The following RGSL1 variants were observed in gnomAD, a reference collection of about 807,000 sequenced individuals.
The protein encoded by RGSL1 is regulator of G protein signaling protein-like.
In RGSL1, 97 loss-of-function variants were observed where a neutral mutation model predicts 124.7. The ratio of observed to expected loss-of-function variants is 0.78; its 90% CI spans 0.66 to 0.92. The LOEUF is 0.92. RGSL1 is among the 40% of genes least tolerant of loss of function. The probability of loss-of-function intolerance (pLI) is 0.00; values close to 1 mark genes in which losing one functional copy is unlikely to be tolerated. For missense variants in RGSL1, 1,233 were observed against 1,288.4 expected (o/e 0.96, Z 0.66); for synonymous variants, 424 against 438.1 (o/e 0.97, Z 0.40).
At chr1:182,509,888 G>A (rs1281854455) in intron 9 of RGSL1, among the ~76,000 whole-genome samples, 4 of 141,312 alleles carry the variant, frequency 2.8e-5, no homozygotes, top group African/African-American at 5.4e-5. Context: ...CAGATGGGGT[G>A]GCTGCCGGGC....
rs540016260 is a variant in RGSL1, at chr1:182,518,905, C to CA, written c.1826-3098dup. On this transcript the variant is annotated intron_variant, in intron 9 of 21. Transcript: ENST00000294854. ...TGTGGTGGGTGGGAAGTGAAGCCAG[C>CA]ATCCTTCCATGCTGCCATTTTGGTA... 1.8e-4 allele frequency among the ~76,000 whole-genome samples: 27 copies of CA among 152,158 alleles called. No individual in the cohort carries two copies. In the East Asian group the frequency reaches 4.4e-3, roughly 25 times the overall value.
chr1:182,499,076 A>G (rs1656158146), intron 9 of RGSL1, among the ~76,000 whole-genome samples: 1 of 152,222 alleles, frequency 6.6e-6, no homozygotes, highest in African/African-American at 2.4e-5. Context: ...TACAGGCGCG[A>G]GCCCCGGCAC....
intron 14 of RGSL1, among the ~76,000 whole-genome samples, chr1:182,537,056 T>TGATGG (rs1172978646): frequency 2.6e-5 from 4 of 152,250 alleles, no homozygotes; most frequent in African/African-American, 9.6e-5. Context: ...GATATATTTT[T>TGATGG]GATGGACATA....
intron 15 of RGSL1, among the ~76,000 whole-genome samples, chr1:182,545,848 C>G (rs1249211204): frequency 6.6e-6 from 1 of 152,122 alleles, no homozygotes; most frequent in Non-Finnish European, 1.5e-5. Flanking sequence ...AGGATTCTCT[C>G]TCTGTCCTCG....
At chr1:182,547,116 C>T (rs1002858870) in intron 15 of RGSL1, among the ~76,000 whole-genome samples, 2 of 152,244 alleles carry the variant, frequency 1.3e-5, no homozygotes, top group Non-Finnish European at 2.9e-5. Flanking sequence ...TTACTGAACA[C>T]CGGTTTTGAC....
intron 6 of RGSL1, 144 bp from the exon 7 acceptor site, chr1:182,488,141 A>AGCTAATGTTTGC: frequency 1.4e-6 from 1 of 724,674 alleles, no homozygotes; most frequent in Non-Finnish European, 2.3e-6. Flanking sequence ...GGTTGGTCAT[A>AGCTAATGTTTGC]GCTAATGTTT....
intron 9 of RGSL1, among the ~76,000 whole-genome samples, chr1:182,512,757 A>T (rs1479992679): frequency 1.3e-5 from 2 of 152,236 alleles, no homozygotes; most frequent in Non-Finnish European, 2.9e-5. Context: ...TTACTGGATG[A>T]TGGAGGTGGC....
At chr1:182,474,657 C>T in intron 6 of RGSL1, 115 bp downstream of exon 6, 7 of 1,375,424 alleles carry the variant, frequency 5.1e-6, no homozygotes, top group Non-Finnish European at 6.7e-6. Flanking sequence ...CCACATAAAC[C>T]TTTACATATT....
At chr1:182,532,901 T>C (rs1047346815) in intron 14 of RGSL1, 110 bp downstream of exon 14, 1 of 1,213,548 alleles carries the variant, frequency 8.2e-7, no homozygotes, top group Non-Finnish European at 1.1e-6. Context: ...GCCTGGAGTC[T>C]AGCAAAAAAA....
chr1:182,472,437 C>G lies in RGSL1; in HGVS notation c.343C>G (p.Leu115Val). The change falls in exon 5 of 22, where the codon CTG (leucine) becomes GTG (valine). Residue 115 changes from leucine to valine, a missense_variant. Transcript: ENST00000294854. ...VDFWILAENI[L>V]SIDEMDLEVR... ...TTTCTGGATCCTTGCTGAGAACATC[C>G]TGAGCATAGATGAGATGGACCTGGA... 7.1e-6 allele frequency: 11 copies of G among 1,550,934 alleles called. No homozygotes were observed. Among genetic ancestry groups the G allele is most frequent in the Non-Finnish European group, 9.6e-6 (11 of 1,146,510 alleles).
At position 182,530,847 on chromosome 1, in the gene RGSL1, T is replaced by G. The variant is rs1232859094; in HGVS notation, c.2301T>G (p.Ser767Arg). Residue 767 changes from serine (S) to arginine (R), a missense_variant, in exon 13 of 22, where the codon AGT becomes AGG. Physicochemically the swap from Ser to Arg is moderately radical, Grantham distance 110. Coordinates refer to ENST00000294854, the MANE Select transcript of RGSL1 (RefSeq NM_001137669.2). ...PPHHQEVEVQ[S>R]EVQISSRKPS... ...ACCATCAGGAGGTGGAAGTGCAAAG[T>G]GAAGTACAAATTTCGTCTAGGAAGC... The G allele has an allele frequency of 2.6e-6, 4 of 1,550,300 alleles. No individual in the cohort carries two copies. The Admixed American group carries it at 7.9e-5, about 30-fold the overall frequency.
intron 9 of RGSL1, among the ~76,000 whole-genome samples, chr1:182,509,766 G>C (rs867296708): frequency 7.6e-6 from 1 of 131,554 alleles, no homozygotes; most frequent in East Asian, 2.4e-4. Flanking sequence ...GGGTGGGGGG[G>C]CTGACCCCCC....
intron 9 of RGSL1, among the ~76,000 whole-genome samples, chr1:182,493,536 T>A (rs981185259): frequency 6.6e-6 from 1 of 152,212 alleles, no homozygotes; most frequent in Non-Finnish European, 1.5e-5. Flanking sequence ...GAGAGGTAGA[T>A]GCTGAACTGT....
rs530788195 is a variant in RGSL1, at chr1:182,490,855, G to A, written c.1717+1653G>A. ...GGCCAAATCAGAGCCTTGAATCTCAGGTAGGTTGGTGTCTCAAGCTGTACC... is the reference window on the plus strand; with the variant it reads ...GGCCAAATCAGAGCCTTGAATCTCAAGTAGGTTGGTGTCTCAAGCTGTACC... On this transcript the variant is annotated intron_variant, in intron 8 of 21. Coordinates refer to ENST00000294854, the MANE Select transcript of RGSL1 (RefSeq NM_001137669.2). Among the ~76,000 whole-genome samples the A allele has an allele frequency of 3.9e-5, 6 of 152,058 alleles. No homozygotes were observed. The East Asian group carries it at 1.2e-3, about 29-fold the overall frequency.
At chr1:182,494,707 A>G (rs187339745) in intron 9 of RGSL1, among the ~76,000 whole-genome samples, 1 of 152,184 alleles carries the variant, frequency 6.6e-6, no homozygotes, top group Admixed American at 6.5e-5. Flanking sequence ...ACACCTTATA[A>G]TGGTCTTTGA....
chr1:182,474,494 T>C lies in RGSL1; in HGVS notation c.1383T>C (p.Ser461=). Residue 461 remains serine (S), a synonymous_variant, in exon 6 of 22, where the codon TCT becomes TCC. Coordinates refer to ENST00000294854, the MANE Select transcript of RGSL1 (RefSeq NM_001137669.2). ...AGGGCCTGAAGGAACTATTGCCCTC[T>C]GGGGATGTGATCCCCTGGATTCCCA... The part of the protein sequence containing the change: ...TIQGLKELLP[S]GDVIPWIPKA... 1.9e-6 allele frequency: 3 copies of C among 1,550,560 alleles called. No homozygotes were observed. Among genetic ancestry groups the C allele is most frequent in the Non-Finnish European group, 2.6e-6 (3 of 1,146,032 alleles).
intron 8 of RGSL1, among the ~76,000 whole-genome samples, chr1:182,490,913 A>G (rs896047864): frequency 1.9e-5 from 2 of 104,178 alleles, no homozygotes; most frequent in African/African-American, 7.4e-5. Flanking sequence ...CTAGAACATT[A>G]TCTTTTTTTT....
upstream of RGSL1, chr1:182,450,077 T>TAATG: frequency 6.8e-7 from 1 of 1,464,076 alleles, no homozygotes; most frequent in Non-Finnish European, 9.4e-7. Context: ...AGAGAAGGTG[T>TAATG]CATTACGTGT....
intron 1 of RGSL1, chr1:182,453,374 G>T (rs991216500): frequency 2.6e-5 from 4 of 152,394 alleles, no homozygotes; most frequent in African/African-American, 9.7e-5. Flanking sequence ...CCCACTTCAG[G>T]CCCCATTACA....
Sources: allele counts gnomAD v4.1 joint callset (sites outside exome capture counted in the v4.1 genomes callset), GRCh38; gene constraint gnomAD v4.1.1; transcripts MANE v1.5; gene names NCBI Gene and HGNC (gene_info 2026-07-23, HGNC 2026-07-21).